Variants in NDUFA13 observed in about 807,000 individuals in gnomAD.
The protein encoded by NDUFA13 is NADH:ubiquinone oxidoreductase subunit A13, also known as NADH dehydrogenase [ubiquinone] 1 alpha subcomplex subunit 13.
In NDUFA13, 16 loss-of-function variants were observed where a neutral mutation model predicts 17.0. The ratio of observed to expected loss-of-function variants is 0.94; its 90% confidence interval spans 0.64 to 1.43. The LOEUF (loss-of-function observed/expected upper bound fraction) is 1.43. Among genes scored for constraint, NDUFA13 ranks in the 40% most tolerant of loss-of-function variants. The pLI, the probability that NDUFA13 is intolerant of heterozygous loss-of-function variation, is 0.00. For synonymous variants in NDUFA13, 87 were observed against 78.4 expected, an observed-to-expected ratio of 1.11 and a Z score of -0.58; for missense variants, 228 against 206.7, an observed-to-expected ratio of 1.10 and a Z score of -0.63.
At chr19:19,527,895 A>G (rs750609645) in intron 4 of NDUFA13, 112 bp from the exon 5 acceptor site, 9 of 1,494,772 alleles carry the variant, frequency 6.0e-6, no homozygotes, top group Non-Finnish European at 8.3e-6. Flanking sequence ...AGGTCCCACA[A>G]GGGAAGGCTG....
chr19:19,523,303 G>C (rs907128401), intron 1 of NDUFA13, among the ~76,000 whole-genome samples: 11 of 152,218 alleles, frequency 7.2e-5, no homozygotes, highest in African/African-American at 2.7e-4. Context: ...CTTAAGAATG[G>C]CCAAGGCCGG....
intron 2 of NDUFA13, 140 bp downstream of exon 2, chr19:19,526,400 T>C: frequency 1.1e-6 from 1 of 880,500 alleles, no homozygotes. Flanking sequence ...CCCCAGAAAG[T>C]GCAGATCCAG....
At position 19,521,309 on chromosome 19, in the gene NDUFA13, G is replaced by A. The variant is rs117033706; in HGVS notation, c.95-4873G>A. On this transcript the variant is annotated intron_variant, in intron 1 of 4. Coordinates refer to ENST00000507754, the MANE Select transcript of NDUFA13 (RefSeq NM_015965.7). ...GGGTCTTTTTTTGCTCAGTTTTCTG[G>A]TCATTGATCGTTGATTTGCATATCA... is the stretch of plus-strand genomic sequence containing the variant. 4.8e-3 allele frequency among the ~76,000 whole-genome samples: 735 copies of A among 152,318 alleles called. 6 individuals are homozygous for A. Among genetic ancestry groups the A allele is most frequent in the South Asian group, 0.041 (198 of 4,826 alleles).
At chr19:19,527,032 A>C (rs992124883) in intron 2 of NDUFA13, among the ~76,000 whole-genome samples, 3 of 152,240 alleles carry the variant, frequency 2.0e-5, no homozygotes, top group Non-Finnish European at 4.4e-5. Flanking sequence ...AATTGAAAAG[A>C]AAGTAGAAAG....
chr19:19,526,879 G>C (rs965001336), intron 2 of NDUFA13, among the ~76,000 whole-genome samples: 1 of 152,178 alleles, frequency 6.6e-6, no homozygotes, highest in African/African-American at 2.4e-5. Flanking sequence ...AAAGATTGTG[G>C]CCCCGCCTGC....
intron 1 of NDUFA13, among the ~76,000 whole-genome samples, chr19:19,525,109 G>GGCTGAGA (rs1185937963): frequency 6.6e-6 from 1 of 152,220 alleles, no homozygotes; most frequent in Non-Finnish European, 1.5e-5. Context: ...CTAGACAGGA[G>GGCTGAGA]GCTGAGAGCT....
intron 2 of NDUFA13, among the ~76,000 whole-genome samples, 195 bp from the exon 3 acceptor site, chr19:19,527,086 G>A (rs925136784): frequency 6.6e-6 from 1 of 152,308 alleles, no homozygotes; most frequent in Non-Finnish European, 1.5e-5. Context: ...GCCTGCACCC[G>A]CCCTCCTCTC....
intron 1 of NDUFA13, among the ~76,000 whole-genome samples, chr19:19,524,747 A>C (rs1298306706): frequency 6.6e-6 from 1 of 152,148 alleles, no homozygotes; most frequent in East Asian, 1.9e-4. Context: ...CAGAGGTTGC[A>C]GTGAGCCAAG....
Position 19,527,708 on chromosome 19 carries a change from C to T in NDUFA13, c.253C>T (p.Gln85Ter), listed in dbSNP as rs1052574171. The part of the protein sequence containing the change: ...LQAETDRRTL[Q>*]MLRENLEEEA... ...TCGGCCCCATCCCCACAGGACCTTG[C>T]AGATGCTTCGGGAGAACCTGGAGGA... Residue 85 changes from glutamine (Q) to a stop codon, truncating the protein, a stop_gained, in exon 4 of 5, where the codon CAG (glutamine) becomes TAG (stop). Coordinates refer to ENST00000507754, the MANE Select transcript of NDUFA13 (RefSeq NM_015965.7). LOFTEE classifies it high-confidence loss of function. 33 of 1,552,056 alleles carry T rather than the reference C, an allele frequency of 2.1e-5. No homozygotes were observed. The highest frequency in any genetic ancestry group is 2.8e-5 in the Non-Finnish European group (32 of 1,147,206).
At chr19:19,520,422 G>A (rs2061071499) in intron 1 of NDUFA13, among the ~76,000 whole-genome samples, 1 of 152,154 alleles carries the variant, frequency 6.6e-6, no homozygotes, top group Non-Finnish European at 1.5e-5. Flanking sequence ...CTGAGCTCAG[G>A]AGTTGGAGAC....
intron 1 of NDUFA13, among the ~76,000 whole-genome samples, chr19:19,518,819 C>T (rs530635246): frequency 9.7e-5 from 14 of 145,022 alleles, no homozygotes; most frequent in African/African-American, 2.1e-4. Flanking sequence ...CTTGGCTCAC[C>T]GCAACCTCTG....
rs746119313 is a variant in NDUFA13 at position 19,527,360 on chromosome 19, C to G, written c.245+8C>G. 1 of 1,613,608 alleles carries G rather than the reference C, an allele frequency of 6.2e-7. No homozygotes were observed. Among genetic ancestry groups the G allele is most frequent in the African/African-American group, 1.3e-5 (1 of 74,954 alleles). On this transcript the variant is annotated splice_region_variant and intron_variant, in intron 3 of 4. Transcript: ENST00000507754. ...GGCAGAAACCGACCGGAGGTAGCAC[C>G]GCAGGGGCCAAGGTTGGGAGGTCAC...
chr19:19,524,548 G>A (rs543409767), intron 1 of NDUFA13, among the ~76,000 whole-genome samples: 1 of 152,270 alleles, frequency 6.6e-6, no homozygotes, highest in African/African-American at 2.4e-5. Flanking sequence ...GGCCGGGCAC[G>A]GTGGCTCACG....
At chr19:19,527,014 AAG>A (rs1484561600) in intron 2 of NDUFA13, among the ~76,000 whole-genome samples, 1 of 152,248 alleles carries the variant, frequency 6.6e-6, no homozygotes, top group Non-Finnish European at 1.5e-5. Flanking sequence ...AGGATAAAAA[AAG>A]TTTTTAATTG....
Position 19,520,360 on chromosome 19 carries a change from G to A in NDUFA13, c.94+4028G>A, listed in dbSNP as rs141010370. 1.1e-3 allele frequency among the ~76,000 whole-genome samples: 169 copies of A among 152,202 alleles called. 1 individual carries two copies. Among genetic ancestry groups the A allele is most frequent in the African/African-American group, 3.7e-3 (155 of 41,524 alleles). On this transcript the variant is annotated intron_variant, in intron 1 of 4. Transcript: ENST00000507754. The stretch of plus-strand genomic sequence containing the variant: ...TCTGTCCAATTTAATGGCTGTGAGC[G>A]GTGGCTCATGCCTGTAATCTCAGCC...
intron 1 of NDUFA13, among the ~76,000 whole-genome samples, chr19:19,517,390 T>G (rs188428326): frequency 7.6e-4 from 116 of 151,690 alleles, no homozygotes; most frequent in Non-Finnish European, 1.4e-3. Flanking sequence ...TTCTGTATTT[T>G]CTATAGAGAT....
At chr19:19,526,428 C>T (rs1185365932) in intron 2 of NDUFA13, 168 bp downstream of exon 2, 2 of 731,266 alleles carry the variant, frequency 2.7e-6, no homozygotes, top group Non-Finnish European at 4.8e-6. Flanking sequence ...ACTTCCACTT[C>T]TAGGCTCTGT....
rs1314383853 is a variant in NDUFA13 at position 19,528,190 on chromosome 19, C to A, written c.*64C>A. 4 of 1,601,014 alleles carry A rather than the reference C, an allele frequency of 2.5e-6. No homozygotes were observed. The African/African-American group carries it at 5.3e-5, about 21-fold the overall frequency. On this transcript the variant is annotated 3_prime_UTR_variant, in exon 5 of 5. Coordinates refer to ENST00000507754, the MANE Select transcript of NDUFA13 (RefSeq NM_015965.7). ...CCACTGGGACGGAATAAATGCTCTGCAGACCTGGCCTGCCTGTTTTCCTGG... is the reference window on the plus strand; with the variant it reads ...CCACTGGGACGGAATAAATGCTCTGAAGACCTGGCCTGCCTGTTTTCCTGG...
Position 19,524,153 on chromosome 19 carries a change from G to C in NDUFA13, c.95-2029G>C, listed in dbSNP as rs928756377. On this transcript the variant is annotated intron_variant, in intron 1 of 4. Transcript: ENST00000507754. ...AAAAGAATGGTCCACACACCCTTTT[G>C]TGCGTGCCCCTCACCATGTTCCCCA... Among the ~76,000 whole-genome samples, 5 of 152,306 alleles carry C rather than the reference G, an allele frequency of 3.3e-5. No homozygotes were observed. The South Asian group carries it at 1.0e-3, about 32-fold the overall frequency.
Sources: gnomAD v4.1 joint callset for allele counts (sites outside exome capture counted in the v4.1 genomes callset) on GRCh38, gnomAD v4.1.1 for gene constraint, MANE v1.5 for transcripts, NCBI Gene and HGNC (gene_info 2026-07-23, HGNC 2026-07-21) for gene names.